Variants in RGL1 observed in about 807,000 individuals in gnomAD.
RGL1 encodes ral guanine nucleotide dissociation stimulator-like 1.
In RGL1, 24 loss-of-function variants were observed where a neutral mutation model predicts 95.2. The ratio of observed to expected loss-of-function variants is 0.25; its 90% CI spans 0.18 to 0.35. RGL1 has a LOEUF of 0.35. RGL1 is among the 10% of genes least tolerant of loss of function. RGL1 has a pLI of 1.00. For missense variants in RGL1, 715 were observed against 936.3 expected (o/e 0.76, Z 3.08); for synonymous variants, 329 against 344.9 (o/e 0.95, Z 0.51).
At chr1:183,907,234 C>G in intron 14 of RGL1, 133 bp downstream of exon 14, 1 of 637,950 alleles carries the variant, frequency 1.6e-6, no homozygotes. Context: ...AGCCGTTTAT[C>G]CTTCTGTCAT....
chr1:183,818,448 C>T (rs954458273), intron 2 of RGL1, among the ~76,000 whole-genome samples: 2 of 152,220 alleles, frequency 1.3e-5, no homozygotes, highest in African/African-American at 4.8e-5. Flanking sequence ...ACTGATGAAT[C>T]CTACTTAACC....
chr1:183,696,933 G>A (rs1293451453), intron 1 of RGL1, among the ~76,000 whole-genome samples: 5 of 152,026 alleles, frequency 3.3e-5, no homozygotes, highest in Non-Finnish European at 5.9e-5. Flanking sequence ...AACTATTCTA[G>A]TTGCCTCCTA....
chr1:183,893,439 G>A (rs1434536966), intron 9 of RGL1, among the ~76,000 whole-genome samples: 2 of 152,134 alleles, frequency 1.3e-5, no homozygotes, highest in African/African-American at 4.8e-5. Flanking sequence ...TATTTGGTGA[G>A]CTATATTCAT....
chr1:183,728,020 T>C lies in RGL1; in HGVS notation c.-32-14106T>C, dbSNP rs543919179. 3.9e-5 allele frequency among the ~76,000 whole-genome samples: 6 copies of C among 152,214 alleles called. No individual in the cohort carries two copies. In the East Asian group the frequency reaches 5.8e-4, roughly 15 times the overall value. Reference sequence around the variant, plus strand: ...GAGTAAAACAGGTTGCCTTCCCCAGTGTATATGGGCCTCATCTAATCCAAT... The same window carrying C: ...GAGTAAAACAGGTTGCCTTCCCCAGCGTATATGGGCCTCATCTAATCCAAT... On this transcript the variant is annotated intron_variant, in intron 1 of 18. Transcript: ENST00000304685.
intron 2 of RGL1, among the ~76,000 whole-genome samples, chr1:183,837,279 A>G (rs1414996914): frequency 6.6e-6 from 1 of 152,162 alleles, no homozygotes; most frequent in Non-Finnish European, 1.5e-5. Flanking sequence ...CACAGAGAAT[A>G]TTAGGTCACA....
chr1:183,801,143 T>G (rs372780998), upstream of RGL1, among the ~76,000 whole-genome samples: 2 of 129,888 alleles, frequency 1.5e-5, no homozygotes, highest in African/African-American at 2.6e-5. Context: ...ACTTGTTATT[T>G]TGTGTGTGTG....
intron 2 of RGL1, among the ~76,000 whole-genome samples, chr1:183,773,094 TGTTCTCTCACAA>T (rs1659387346): frequency 6.6e-6 from 1 of 151,678 alleles, no homozygotes; most frequent in Non-Finnish European, 1.5e-5. Context: ...TACATTATAT[TGTTCTCTCACAA>T]CACCTAGCTC....
In RGL1 at chr1:183,641,219, C is replaced by T. The variant is rs1429059683; in HGVS notation, c.-33+4718C>T. On this transcript the variant is annotated intron_variant, in intron 1 of 18. Coordinates refer to the RGL1 transcript ENST00000304685. Reference sequence around the variant, plus strand: ...GTATGATCTTGGCTTACTGCAGCCTCGACCTCCCAGGCTCAAGCCATCCTC... The same window carrying T: ...GTATGATCTTGGCTTACTGCAGCCTTGACCTCCCAGGCTCAAGCCATCCTC... Among the ~76,000 whole-genome samples, 10 of 152,150 alleles carry T rather than the reference C, an allele frequency of 6.6e-5. No homozygotes were observed. The East Asian group carries it at 1.3e-3, about 21-fold the overall frequency.
chr1:183,896,737 G>T (rs888587168), intron 9 of RGL1, among the ~76,000 whole-genome samples: 8 of 152,104 alleles, frequency 5.3e-5, no homozygotes, highest in Admixed American at 6.5e-5. Flanking sequence ...CCCCAAAACC[G>T]CAAAAGCACT....
In RGL1 at chr1:183,713,388, C is replaced by CCCG. The variant is rs67617883; in HGVS notation, c.-32-28738_-32-28737insCCG. Among the ~76,000 whole-genome samples, 59 of 130,150 alleles carry CCCG rather than the reference C, an allele frequency of 4.5e-4. 3 individuals carry two copies. In the East Asian group the frequency reaches 0.011, roughly 24 times the overall value. The allele number at this position is 130,150 out of a possible 152,430, so 85.4% of individuals were successfully genotyped here. On this transcript the variant is annotated intron_variant, in intron 1 of 18. Coordinates refer to the RGL1 transcript ENST00000304685. ...AAAATCTAGAGGCACCCCCCCCCCC[C>CCCG]GCTTTTATAATGACCCTTTTGACTG...
intron 2 of RGL1, among the ~76,000 whole-genome samples, chr1:183,798,081 T>A (rs1660788770): frequency 2.6e-5 from 4 of 152,218 alleles, no homozygotes; most frequent in Admixed American, 2.0e-4. Context: ...ATTAGTCTGC[T>A]TAGGTAGTGG....
chr1:183,881,137 A>G (rs1666802496), intron 5 of RGL1, among the ~76,000 whole-genome samples: 2 of 152,184 alleles, frequency 1.3e-5, no homozygotes, highest in Non-Finnish European at 1.5e-5. Flanking sequence ...ATGAACTTTA[A>G]TCTTCCCTTA....
intron 4 of RGL1, among the ~76,000 whole-genome samples, chr1:183,875,821 G>A (rs897222999): frequency 6.7e-6 from 1 of 148,590 alleles, no homozygotes; most frequent in Admixed American, 6.7e-5. Flanking sequence ...GAAGATTGCA[G>A]TGAGCCGAGA....
intron 1 of RGL1, among the ~76,000 whole-genome samples, chr1:183,681,515 G>A (rs1653211594): frequency 6.6e-6 from 1 of 152,204 alleles, no homozygotes; most frequent in Non-Finnish European, 1.5e-5. Context: ...TTGCATCCCA[G>A]GGATGAAGCT....
intron 1 of RGL1, among the ~76,000 whole-genome samples, chr1:183,681,489 AT>A (rs1402049263): frequency 6.6e-6 from 1 of 152,122 alleles, no homozygotes; most frequent in African/African-American, 2.4e-5. Context: ...ATTAATTTGC[AT>A]ATGTTGAGCC....
chr1:183,768,461 C>CT (rs71130639), intron 2 of RGL1, among the ~76,000 whole-genome samples: 40,532 of 84,020 alleles, frequency 0.48, 8,470 homozygotes, highest in East Asian at 0.67. Context: ...CTTTAGATAA[C>CT]TTTTTTTTTT....
At chr1:183,820,077 A>T (rs76177864) in intron 2 of RGL1, among the ~76,000 whole-genome samples, 4 of 152,052 alleles carry the variant, frequency 2.6e-5, no homozygotes, top group African/African-American at 9.7e-5. Context: ...GTGAGCCACC[A>T]TGACTAGCCC....
intron 8 of RGL1, among the ~76,000 whole-genome samples, chr1:183,889,813 T>C (rs1667314853): frequency 6.6e-6 from 1 of 152,180 alleles, no homozygotes; most frequent in South Asian, 2.1e-4. Context: ...TCGTGCTTTG[T>C]TTATGACATC....
At chr1:183,882,186 C>G (rs1430443088) in intron 5 of RGL1, among the ~76,000 whole-genome samples, 1 of 152,220 alleles carries the variant, frequency 6.6e-6, no homozygotes, top group South Asian at 2.1e-4. Context: ...GGAGGAGAAT[C>G]AAAAGCAGAA....
Sources: gnomAD v4.1 joint callset for allele counts (sites outside exome capture counted in the v4.1 genomes callset) on GRCh38, gnomAD v4.1.1 for gene constraint, MANE v1.5 for transcripts, NCBI Gene and HGNC (gene_info 2026-07-23, HGNC 2026-07-21) for gene names.